The following PCDHGA7 variants were observed in gnomAD, a reference collection of about 807,000 sequenced individuals.
PCDHGA7 encodes the protein protocadherin gamma-A7.
Under a neutral mutation model 58.3 loss-of-function variants are expected in PCDHGA7, and 44 were observed. That is an observed-to-expected ratio of 0.75 (90% CI 0.59 to 0.97). The LOEUF is 0.97. PCDHGA7 is among the 50% of genes least tolerant of loss of function. PCDHGA7 has a pLI of 0.00. For missense variants in PCDHGA7, 1,266 were observed against 1,188.7 expected (o/e 1.06, Z -0.96); for synonymous variants, 516 against 504.2 (o/e 1.02, Z -0.31).
In PCDHGA7 at chr5:141,485,610, C is replaced by A; in HGVS notation, c.2425-9197C>A. ...CTGGACTTGGAAATTGGGGAGGCAGCTCCTCCAGGACAGCGTTTCCCGTTG... is the reference window on the plus strand; with the variant it reads ...CTGGACTTGGAAATTGGGGAGGCAGATCCTCCAGGACAGCGTTTCCCGTTG... On this transcript the variant is annotated intron_variant, in intron 1 of 3. Coordinates refer to ENST00000518325, the MANE Select transcript of PCDHGA7 (RefSeq NM_018920.4). This position sits in a 1 kb window ranked among gnomAD's most constrained non-coding sequence, Gnocchi z 5.7. The A allele has an allele frequency of 1.2e-6, 2 of 1,612,076 alleles. No individual in the cohort carries two copies. The highest frequency in any genetic ancestry group is 1.7e-6 in the Non-Finnish European group (2 of 1,178,616).
chr5:141,432,079 G>A lies in PCDHGA7; in HGVS notation c.2424+46756G>A, dbSNP rs138510025. On this transcript the variant is annotated intron_variant, in intron 1 of 3. Transcript: ENST00000518325. The surrounding 1 kb of genome is among the most constrained non-coding windows in gnomAD (Gnocchi z 6.0). ...TATCCACGGAAACTCATATCTCGCT[G>A]AACGTGGCAGACACCAACGACAACC... 1.6e-4 allele frequency: 252 copies of A among 1,614,054 alleles called. No homozygotes were observed. The highest frequency in any genetic ancestry group is 8.1e-5 in the Non-Finnish European group (96 of 1,180,048).
Position 141,491,364 on chromosome 5 carries a change from C to T in PCDHGA7, c.2425-3443C>T. 1 of 1,614,164 alleles carries T rather than the reference C, an allele frequency of 6.2e-7. No homozygotes were observed. The highest frequency in any genetic ancestry group is 8.5e-7 in the Non-Finnish European group (1 of 1,180,000). On this transcript the variant is annotated intron_variant, in intron 1 of 3. Coordinates refer to ENST00000518325, the MANE Select transcript of PCDHGA7 (RefSeq NM_018920.4). This position sits in a 1 kb window ranked among gnomAD's most constrained non-coding sequence, Gnocchi z 6.9. The stretch of plus-strand genomic sequence containing the variant: ...CCGTCAGTCTCTTATCCCTAGTCAC[C>T]TTCACCTTTCTGTCAGCGAAGTGCC...
intron 1 of PCDHGA7, among the ~76,000 whole-genome samples, chr5:141,483,557 G>A (rs141633312): frequency 4.5e-4 from 69 of 152,276 alleles, no homozygotes; most frequent in Admixed American, 1.9e-3. Context: ...GCCATTCACA[G>A]AGACAGTGAA....
chr5:141,473,680 C>T (rs888876529), intron 1 of PCDHGA7, among the ~76,000 whole-genome samples: 3 of 152,100 alleles, frequency 2.0e-5, no homozygotes, highest in Non-Finnish European at 2.9e-5. Flanking sequence ...CAGGGAAGGG[C>T]TGGGGTTCTG....
At chr5:141,481,913 C>CAAAAA (rs34114744) in intron 1 of PCDHGA7, among the ~76,000 whole-genome samples, 2 of 90,852 alleles carry the variant, frequency 2.2e-5, no homozygotes, top group Non-Finnish European at 4.4e-5. Flanking sequence ...AACTCCATCT[C>CAAAAA]AAAAAAAAAA....
rs1427052612 is a variant in PCDHGA7 at position 141,493,002 on chromosome 5, A to G, written c.2425-1805A>G. Among the ~76,000 whole-genome samples, 4 of 152,246 alleles carry G rather than the reference A, an allele frequency of 2.6e-5. No individual in the cohort carries two copies. The highest frequency in any genetic ancestry group is 2.1e-4 in the South Asian group (1 of 4,832). On this transcript the variant is annotated intron_variant, in intron 1 of 3. Transcript: ENST00000518325. This position sits in a 1 kb window ranked among gnomAD's most constrained non-coding sequence, Gnocchi z 4.3. ...TCTCCTCTGGCAGATGGAAAGCTAT[A>G]GGCTCTGCCAGATGCCAGGGTGCCC... is the stretch of plus-strand genomic sequence containing the variant.
chr5:141,427,114 A>G (rs767478190), intron 1 of PCDHGA7: 1 of 457,522 alleles, frequency 2.2e-6, no homozygotes, highest in Non-Finnish European at 4.4e-6. Flanking sequence ...GAGATCACCT[A>G]CTCTTTCAAA....
At chr5:141,450,080 C>G (rs140080701) in intron 1 of PCDHGA7, among the ~76,000 whole-genome samples, 6,313 of 144,358 alleles carry the variant, frequency 0.044, 398 homozygotes, top group Admixed American at 0.19. Context: ...GATCTTGGCT[C>G]ACTGCAACCT....
Position 141,493,360 on chromosome 5 carries a change from G to T in PCDHGA7, c.2425-1447G>T, listed in dbSNP as rs1364095483. Reference sequence around the variant, plus strand: ...CAGAATGTGTGCTTTTAATTTCTTGGCACTTGGAACTTTAAAAGCTTGAGG... The same window carrying T: ...CAGAATGTGTGCTTTTAATTTCTTGTCACTTGGAACTTTAAAAGCTTGAGG... On this transcript the variant is annotated intron_variant, in intron 1 of 3. Transcript: ENST00000518325. This position sits in a 1 kb window ranked among gnomAD's most constrained non-coding sequence, Gnocchi z 4.3. Among the ~76,000 whole-genome samples the T allele has an allele frequency of 6.6e-6, 1 of 152,144 alleles. No individual in the cohort carries two copies. The highest frequency in any genetic ancestry group is 1.5e-5 in the Non-Finnish European group (1 of 68,022).
At chr5:141,450,885 T>C (rs1262944058) in intron 1 of PCDHGA7, among the ~76,000 whole-genome samples, 1 of 149,238 alleles carries the variant, frequency 6.7e-6, no homozygotes, top group African/African-American at 2.5e-5. Context: ...TGTGCAGTGG[T>C]GCGATATCGG....
intron 1 of PCDHGA7, chr5:141,399,347 A>G: frequency 6.2e-7 from 1 of 1,613,926 alleles, no homozygotes. Flanking sequence ...GGAACCCTAG[A>G]CCGAGAGCAA....
rs2099735810 is a variant in PCDHGA7 at position 141,491,979 on chromosome 5, G to A, written c.2425-2828G>A. On this transcript the variant is annotated intron_variant, in intron 1 of 3. Transcript: ENST00000518325. This position sits in a 1 kb window ranked among gnomAD's most constrained non-coding sequence, Gnocchi z 6.9. ...CAAAAAAGGCCGGGGCCTCCTTCGA[G>A]CTTCCGGTGAATTTCGGGCGATTTC... 6.4e-6 allele frequency: 5 copies of A among 787,296 alleles called. No homozygotes were observed. Among genetic ancestry groups the A allele is most frequent in the Non-Finnish European group, 9.4e-6 (5 of 533,208 alleles). 48.8% of individuals were successfully genotyped at this position (787,296 alleles called of 1,614,324 possible).
At chr5:141,411,394 A>AC (rs958605809) in intron 1 of PCDHGA7, 4 of 151,570 alleles carry the variant, frequency 2.6e-5, no homozygotes, top group South Asian at 2.1e-4. Context: ...ATATAGGGAG[A>AC]CCCCCCATCT....
chr5:141,455,343 G>T (rs1462807460), intron 1 of PCDHGA7, among the ~76,000 whole-genome samples: 1 of 152,036 alleles, frequency 6.6e-6, no homozygotes, highest in Non-Finnish European at 1.5e-5. Flanking sequence ...TTTAAGGAGC[G>T]GAGAGTTTAA....
rs1374646530 is a variant in PCDHGA7, at chr5:141,431,339, T to C, written c.2424+46016T>C. ...AGCCGACGGTAGTAAGTACCCCGAA[T>C]TGGTGCTGAAACGCGCCCTGGACCG... On this transcript the variant is annotated intron_variant, in intron 1 of 3. Coordinates refer to ENST00000518325, the MANE Select transcript of PCDHGA7 (RefSeq NM_018920.4). This position sits in a 1 kb window ranked among gnomAD's most constrained non-coding sequence, Gnocchi z 4.8. 1 of 1,614,060 alleles carries C rather than the reference T, an allele frequency of 6.2e-7. No individual in the cohort carries two copies. The highest frequency in any genetic ancestry group is 8.5e-7 in the Non-Finnish European group (1 of 1,180,024).
At chr5:141,408,797 C>T (rs965305130) in intron 1 of PCDHGA7, 1 of 1,612,958 alleles carries the variant, frequency 6.2e-7, no homozygotes, top group African/African-American at 1.3e-5. Flanking sequence ...TCTGGAGAAA[C>T]TCCTAGACCG....
intron 1 of PCDHGA7, among the ~76,000 whole-genome samples, chr5:141,494,361 G>A (rs1311268562): frequency 6.6e-6 from 1 of 152,184 alleles, no homozygotes; most frequent in African/African-American, 2.4e-5. Flanking sequence ...TGCTGCAGAG[G>A]ATGCTTTGTT....
chr5:141,430,017 CTTG>C (rs1203011013), intron 1 of PCDHGA7, among the ~76,000 whole-genome samples: 6 of 152,096 alleles, frequency 3.9e-5, no homozygotes, highest in African/African-American at 1.2e-4. Context: ...CACTTGGGTT[CTTG>C]TTAAGTGTGA....
chr5:141,432,528 A>T lies in PCDHGA7; in HGVS notation c.2424+47205A>T. The T allele has an allele frequency of 1.2e-6, 2 of 1,613,804 alleles. No homozygotes were observed. The highest frequency in any genetic ancestry group is 1.7e-6 in the Non-Finnish European group (2 of 1,180,000). ...GCAGAGCCCGGCTACCTGGTGACCA[A>T]GGTGGTGGCGGTGGACAGAGACTCC... is the stretch of plus-strand genomic sequence containing the variant. On this transcript the variant is annotated intron_variant, in intron 1 of 3. Transcript: ENST00000518325. This position sits in a 1 kb window ranked among gnomAD's most constrained non-coding sequence, Gnocchi z 6.0.
Sources: allele counts gnomAD v4.1 joint callset (sites outside exome capture counted in the v4.1 genomes callset), GRCh38; gene constraint gnomAD v4.1.1; non-coding constraint Gnocchi (gnomAD v3.1); transcripts MANE v1.5; gene names NCBI Gene and HGNC (gene_info 2026-07-23, HGNC 2026-07-21).